MYT1: variants seen among roughly 807,000 people sequenced by gnomAD.
The protein encoded by MYT1 is myelin transcription factor 1, also known as myelin transcription factor I.
MYT1 carries 23 observed loss-of-function variants against 123.0 expected under a neutral mutation model. That is an observed-to-expected ratio of 0.19 (90% CI 0.13 to 0.26). The LOEUF is 0.26. MYT1 is among the 10% of genes least tolerant of loss of function. MYT1 has a pLI of 1.00. For missense variants in MYT1, 1,125 were observed against 1,472.5 expected (o/e 0.76, Z 3.86); for synonymous variants, 518 against 575.3 (o/e 0.90, Z 1.43).
chr20:64,213,123 T>C lies in MYT1; in HGVS notation c.1518-411T>C, dbSNP rs776108407. Among the ~76,000 whole-genome samples, 4 of 151,994 alleles carry C rather than the reference T, an allele frequency of 2.6e-5. No homozygotes were observed. Among genetic ancestry groups the C allele is most frequent in the Non-Finnish European group, 4.4e-5 (3 of 68,014 alleles). On this transcript the variant is annotated intron_variant, in intron 9 of 22. Coordinates refer to ENST00000328439, the MANE Select transcript of MYT1 (RefSeq NM_004535.3). This position sits in a 1 kb window ranked among gnomAD's most constrained non-coding sequence, Gnocchi z 5.6. ...GGGCCCTGGGCTGCCCCAGAGCAGC[T>C]AACAGAACAAGCGCCAGAGAGGGCT...
chr20:64,165,206 C>G (rs1982045078), intron 1 of MYT1, among the ~76,000 whole-genome samples: 1 of 151,994 alleles, frequency 6.6e-6, no homozygotes, highest in Non-Finnish European at 1.5e-5. Context: ...GTGTGACCCC[C>G]ACCCAAGGTA....
At chr20:64,234,794 T>G (rs1288947547) in intron 19 of MYT1, among the ~76,000 whole-genome samples, 66 of 111,652 alleles carry the variant, frequency 5.9e-4, no homozygotes, top group East Asian at 1.2e-3. Flanking sequence ...GGTCATGGTG[T>G]GTGACCCGGG....
intron 1 of MYT1, among the ~76,000 whole-genome samples, chr20:64,181,188 C>T (rs149300787): frequency 5.3e-5 from 8 of 152,042 alleles, no homozygotes; most frequent in African/African-American, 1.2e-4. Flanking sequence ...TTTATAGTGC[C>T]GGGCTTGGTT....
rs1182593442 is a variant in MYT1 at position 64,231,878 on chromosome 20, G to C, written c.2676-286G>C. Among the ~76,000 whole-genome samples, 1 of 152,218 alleles carries C rather than the reference G, an allele frequency of 6.6e-6. No individual in the cohort carries two copies. The highest frequency in any genetic ancestry group is 1.5e-5 in the Non-Finnish European group (1 of 68,036). On this transcript the variant is annotated intron_variant, in intron 18 of 22. Coordinates refer to ENST00000328439, the MANE Select transcript of MYT1 (RefSeq NM_004535.3). The surrounding 1 kb of genome is among the most constrained non-coding windows in gnomAD (Gnocchi z 6.4). ...CCTGAGAGCAGCCCCCAGGCCCAGG[G>C]TCACGGCTGCTGGAGGGCACGGAAA...
chr20:64,227,873 C>G lies in MYT1; in HGVS notation c.2592-15C>G, dbSNP rs377500092. 8 of 1,607,816 alleles carry G rather than the reference C, an allele frequency of 5.0e-6. No individual in the cohort carries two copies. In the African/African-American group the frequency reaches 1.1e-4, roughly 22 times the overall value. On this transcript the variant is annotated splice_polypyrimidine_tract_variant and intron_variant, in intron 17 of 22. Coordinates refer to ENST00000328439, the MANE Select transcript of MYT1 (RefSeq NM_004535.3). ...TCCAGCACTAAGGTGGCCTTTTTTC[C>G]TCTTTCGAAATCAGCTTGTCCGGCT...
At position 64,213,826 on chromosome 20, in the gene MYT1, C is replaced by G. The variant is rs375079260; in HGVS notation, c.1631+179C>G. 6.6e-6 allele frequency among the ~76,000 whole-genome samples: 1 copy of G among 152,144 alleles called. No individual in the cohort carries two copies. The highest frequency in any genetic ancestry group is 1.5e-5 in the Non-Finnish European group (1 of 68,020). On this transcript the variant is annotated intron_variant, in intron 10 of 22. Transcript: ENST00000328439. The surrounding 1 kb of genome is among the most constrained non-coding windows in gnomAD (Gnocchi z 5.6). ...CCCGGGCCCCCCAGGAGCAGAACTG[C>G]GGGGCAGTTTTGGAGCCACACAGGA... is the stretch of plus-strand genomic sequence containing the variant.
rs763657177 is a variant in MYT1 at position 64,193,299 on chromosome 20, C to T, written c.-1+3139C>T. Among the ~76,000 whole-genome samples, 1 of 152,110 alleles carries T rather than the reference C, an allele frequency of 6.6e-6. No individual in the cohort carries two copies. The highest frequency in any genetic ancestry group is 1.5e-5 in the Non-Finnish European group (1 of 68,010). On this transcript the variant is annotated intron_variant, in intron 2 of 22. Transcript: ENST00000328439. The surrounding 1 kb of genome is among the most constrained non-coding windows in gnomAD (Gnocchi z 4.0). ...TGCTGAGGTCACCGACTTTCTATATCTGTTCTGTGGGCTGAGCTGGCAGGC... is the reference window on the plus strand; with the variant it reads ...TGCTGAGGTCACCGACTTTCTATATTTGTTCTGTGGGCTGAGCTGGCAGGC...
intron 19 of MYT1, among the ~76,000 whole-genome samples, 169 bp from the exon 20 acceptor site, chr20:64,236,386 G>GCGGTGGGTGACCCTGGGATGGCCA (rs1984545599): frequency 6.7e-6 from 1 of 150,002 alleles, no homozygotes; most frequent in South Asian, 2.1e-4. Context: ...TGGGATGGCC[G>GCGGTGGGTGACCCTGGGATGGCCA]TGGTGGGTGA....
rs1264479104 is a variant in MYT1 at position 64,219,986 on chromosome 20, G to C, written c.2241+4G>C. 2.0e-6 allele frequency: 3 copies of C among 1,466,550 alleles called. No individual in the cohort carries two copies. Among genetic ancestry groups the C allele is most frequent in the Non-Finnish European group, 2.7e-6 (3 of 1,106,290 alleles). The allele number at this position is 1,466,550 out of a possible 1,614,324, so 90.8% of individuals were successfully genotyped here. A position where few individuals can be genotyped will look rare whatever the true frequency, so the allele number is the denominator to read the frequency against. On this transcript the variant is annotated splice_donor_region_variant and intron_variant, in intron 13 of 22. Coordinates refer to ENST00000328439, the MANE Select transcript of MYT1 (RefSeq NM_004535.3). ...GAGAGAGGAGGAACCTGAGGAGGTGGGTGCAGGCGCCTGGGCAAGCAGTCA... is the reference window on the plus strand; with the variant it reads ...GAGAGAGGAGGAACCTGAGGAGGTGCGTGCAGGCGCCTGGGCAAGCAGTCA...
intron 10 of MYT1, among the ~76,000 whole-genome samples, chr20:64,215,245 A>G (rs576591655): frequency 2.0e-5 from 3 of 152,176 alleles, no homozygotes; most frequent in African/African-American, 7.2e-5. Flanking sequence ...ACAGGCTCCA[A>G]CTTTGGAGAC....
chr20:64,212,043 T>C lies in MYT1; in HGVS notation c.1427-5T>C, dbSNP rs985533644. 1.9e-6 allele frequency: 3 copies of C among 1,612,868 alleles called. No individual in the cohort carries two copies. The African/African-American group carries it at 4.0e-5, about 22-fold the overall frequency. ...CGGCTCCCTCCACCCCCTGTTCTCT[T>C]ACAGTCTTAGCCATGCATGAGAACG... On this transcript the variant is annotated splice_polypyrimidine_tract_variant and splice_region_variant and intron_variant, in intron 8 of 22. Transcript: ENST00000328439. The surrounding 1 kb of genome is among the most constrained non-coding windows in gnomAD (Gnocchi z 6.8).
At chr20:64,197,425 C>T (rs1983155606) in intron 2 of MYT1, among the ~76,000 whole-genome samples, 1 of 152,216 alleles carries the variant, frequency 6.6e-6, no homozygotes, top group African/African-American at 2.4e-5. Context: ...CTCCTGCTGC[C>T]TCTCTTCCTT....
chr20:64,222,687 T>C (rs1984045700), intron 14 of MYT1, among the ~76,000 whole-genome samples: 4 of 152,192 alleles, frequency 2.6e-5, no homozygotes. Context: ...TCAGAGTACA[T>C]TTCTGGGGTC....
intron 18 of MYT1, 110 bp downstream of exon 18, chr20:64,228,081 T>C: frequency 1.9e-6 from 2 of 1,049,902 alleles, no homozygotes; most frequent in Non-Finnish European, 2.8e-6. Flanking sequence ...ATACAACGGG[T>C]CACCTAACTG....
chr20:64,201,951 C>CGGGAACCCCCGT (rs1983323780), intron 4 of MYT1, among the ~76,000 whole-genome samples: 1 of 113,962 alleles, frequency 8.8e-6, no homozygotes, highest in African/African-American at 3.6e-5. Context: ...GGAACCTCTG[C>CGGGAACCCCCGT]GTGTCGGGAA....
chr20:64,201,326 C>T (rs534940113), intron 4 of MYT1, among the ~76,000 whole-genome samples: 24 of 152,328 alleles, frequency 1.6e-4, no homozygotes, highest in South Asian at 4.1e-4. Context: ...TGGATTTTGA[C>T]GCCCTCATCA....
At position 64,198,882 on chromosome 20, in the gene MYT1, C is replaced by T. The variant is rs1259435259; in HGVS notation, c.21C>T (p.Asp7=). 6.2e-7 allele frequency: 1 copy of T among 1,614,046 alleles called. No individual in the cohort carries two copies. Among genetic ancestry groups the T allele is most frequent in the African/African-American group, 1.3e-5 (1 of 74,932 alleles). The change falls in exon 3 of 23, where the codon GAC becomes GAT. Residue 7 remains aspartate, a synonymous_variant. Transcript: ENST00000328439. ...TGCAGATGAGCTTAGAAAATGAAGACAAGCGAGCTCGCACCCGATCCAAGG... is the reference window on the plus strand; with the variant it reads ...TGCAGATGAGCTTAGAAAATGAAGATAAGCGAGCTCGCACCCGATCCAAGG... The part of the protein sequence containing the change: MSLENE[D]KRARTRSKAL...
rs1357455522 is a variant in MYT1 at position 64,212,457 on chromosome 20, T to C, written c.1517+319T>C. Among the ~76,000 whole-genome samples the C allele has an allele frequency of 6.6e-6, 1 of 152,020 alleles. No individual in the cohort carries two copies. The highest frequency in any genetic ancestry group is 1.9e-4 in the East Asian group (1 of 5,162). On this transcript the variant is annotated intron_variant, in intron 9 of 22. Transcript: ENST00000328439. The surrounding 1 kb of genome is among the most constrained non-coding windows in gnomAD (Gnocchi z 6.8). ...GTGAGGGGCCTTTGTGAGGGCAGAG[T>C]GGCAACTGGAGGTGCAGTCACCCAG...
intron 19 of MYT1, among the ~76,000 whole-genome samples, chr20:64,236,048 T>C (rs368043989): frequency 0.51 from 7,545 of 14,886 alleles, 1,776 homozygotes; most frequent in African/African-American, 0.7. Flanking sequence ...CCTGGGATGG[T>C]CGCGGTGGGT....
Sources: gnomAD v4.1 joint callset for allele counts (sites outside exome capture counted in the v4.1 genomes callset) on GRCh38, gnomAD v4.1.1 for gene constraint, Gnocchi (gnomAD v3.1) non-coding constraint, MANE v1.5 for transcripts, NCBI Gene and HGNC (gene_info 2026-07-23, HGNC 2026-07-21) for gene names.